PCDHA12: variants seen among roughly 807,000 people sequenced by gnomAD.
The protein encoded by PCDHA12 is protocadherin alpha-12.
PCDHA12 carries 44 observed loss-of-function variants against 60.0 expected under a neutral mutation model. The ratio of observed to expected loss-of-function variants is 0.73; its 90% CI spans 0.58 to 0.94. The LOEUF is 0.94. Ranked by LOEUF, PCDHA12 falls within the 40% of genes least tolerant of loss-of-function variation. The pLI, the probability that PCDHA12 is intolerant of heterozygous loss-of-function variation, is 0.00. For missense variants in PCDHA12, 1,276 were observed against 1,239.7 expected (o/e 1.03, Z -0.44); for synonymous variants, 569 against 553.0 (o/e 1.03, Z -0.40).
chr5:141,001,370 T>G (rs1187805238), intron 3 of PCDHA12, among the ~76,000 whole-genome samples: 1 of 152,218 alleles, frequency 6.6e-6, no homozygotes, highest in African/African-American at 2.4e-5. Context: ...ACTATTCTGA[T>G]TACAGAGCCT....
At chr5:140,888,173 T>A (rs1231331780) in intron 1 of PCDHA12, among the ~76,000 whole-genome samples, 1 of 152,224 alleles carries the variant, frequency 6.6e-6, no homozygotes, top group African/African-American at 2.4e-5. Context: ...AATAAGATGC[T>A]AGACATTGTG....
At chr5:140,946,752 A>C (rs1470208958) in intron 1 of PCDHA12, among the ~76,000 whole-genome samples, 1 of 151,470 alleles carries the variant, frequency 6.6e-6, no homozygotes, top group East Asian at 1.9e-4. Context: ...CAAATACTGC[A>C]TGATCTCATT....
intron 1 of PCDHA12, among the ~76,000 whole-genome samples, chr5:140,899,726 T>A (rs1406076879): frequency 6.6e-6 from 1 of 152,236 alleles, no homozygotes; most frequent in East Asian, 1.9e-4. Flanking sequence ...CCTCTTTTTC[T>A]ATTGATTGGA....
intron 3 of PCDHA12, among the ~76,000 whole-genome samples, chr5:141,000,102 C>T (rs537991787): frequency 8.5e-5 from 13 of 152,172 alleles, no homozygotes; most frequent in East Asian, 5.8e-4. Context: ...AGCTCAACTC[C>T]GTCTCTTCCC....
intron 3 of PCDHA12, among the ~76,000 whole-genome samples, chr5:140,985,957 T>A (rs2097180705): frequency 6.6e-6 from 1 of 152,084 alleles, no homozygotes. Context: ...GCCAGGATGG[T>A]CTCAATCTCC....
chr5:140,985,841 G>A (rs2097174040), intron 3 of PCDHA12, among the ~76,000 whole-genome samples: 1 of 145,238 alleles, frequency 6.9e-6, no homozygotes, highest in Admixed American at 7.3e-5. Context: ...CCGGGTTCAT[G>A]CCACTCTCCT....
intron 1 of PCDHA12, among the ~76,000 whole-genome samples, chr5:140,942,598 A>C: frequency 7.1e-6 from 1 of 140,144 alleles, no homozygotes; most frequent in East Asian, 2.1e-4. Flanking sequence ...ATATAATTAT[A>C]GTGTTTATAT....
Position 140,935,377 on chromosome 5 carries a change from C to T in PCDHA12, c.2368-43572C>T, listed in dbSNP as rs139207351. On this transcript the variant is annotated intron_variant, in intron 1 of 3. Coordinates refer to ENST00000398631, the MANE Select transcript of PCDHA12 (RefSeq NM_018903.4). ...GTTTTCATTAACGTCAACAGAATTA[C>T]TCATTTGTTATCCCACGGGACTCAA... is the stretch of plus-strand genomic sequence containing the variant. Among the ~76,000 whole-genome samples the T allele has an allele frequency of 1.3e-4, 20 of 152,332 alleles. No individual in the cohort carries two copies. In the East Asian group the frequency reaches 3.1e-3, roughly 23 times the overall value.
chr5:140,944,697 T>C (rs1227405627), intron 1 of PCDHA12, among the ~76,000 whole-genome samples: 1 of 152,198 alleles, frequency 6.6e-6, no homozygotes, highest in Non-Finnish European at 1.5e-5. Context: ...ATAACAGTAA[T>C]TATCAGGTTA....
chr5:140,990,342 C>A (rs2097389388), intron 3 of PCDHA12, among the ~76,000 whole-genome samples: 1 of 152,124 alleles, frequency 6.6e-6, no homozygotes, highest in Non-Finnish European at 1.5e-5. Flanking sequence ...TAAGTAAAGC[C>A]TGCCCTGTAC....
At chr5:140,912,694 G>A (rs1328426442) in intron 1 of PCDHA12, among the ~76,000 whole-genome samples, 1 of 152,090 alleles carries the variant, frequency 6.6e-6, no homozygotes, top group Non-Finnish European at 1.5e-5. Flanking sequence ...GGTCTCAGGG[G>A]GAATGCTTTC....
Position 140,982,534 on chromosome 5 carries a change from A to G in PCDHA12, c.2486A>G (p.Gln829Arg), listed in dbSNP as rs1554244431. Residue 829 changes from glutamine (Q) to arginine (R), a missense_variant, in exon 3 of 4, where the codon CAG becomes CGG. By Grantham distance (43) the Gln-to-Arg change is conservative. Transcript: ENST00000398631. ...GCTGGTCCAGGAGGGCCTGATCAGC[A>G]GTGGCCAACAGTATCCAGTGCAACA... ...LRAGPGGPDQ[Q>R]WPTVSSATPE... 1 of 1,614,222 alleles carries G rather than the reference A, an allele frequency of 6.2e-7. No homozygotes were observed. Among genetic ancestry groups the G allele is most frequent in the Non-Finnish European group, 8.5e-7 (1 of 1,180,036 alleles).
intron 1 of PCDHA12, among the ~76,000 whole-genome samples, chr5:140,939,732 G>C (rs2092446551): frequency 6.6e-6 from 1 of 152,168 alleles, no homozygotes; most frequent in African/African-American, 2.4e-5. Context: ...GTTGTGTGTA[G>C]CTGTGTATCA....
At position 140,977,800 on chromosome 5, in the gene PCDHA12, T is replaced by G. The variant is rs572772764; in HGVS notation, c.2368-1149T>G. On this transcript the variant is annotated intron_variant, in intron 1 of 3. Coordinates refer to ENST00000398631, the MANE Select transcript of PCDHA12 (RefSeq NM_018903.4). Reference sequence around the variant, plus strand: ...AAAGGAACTATATGAATGATAGGAATAAGAATTATTGACAGTTTTGAATGG... The same window carrying G: ...AAAGGAACTATATGAATGATAGGAAGAAGAATTATTGACAGTTTTGAATGG... Among the ~76,000 whole-genome samples, 3 of 152,356 alleles carry G rather than the reference T, an allele frequency of 2.0e-5. No individual in the cohort carries two copies. In the East Asian group the frequency reaches 5.8e-4, roughly 29 times the overall value.
In PCDHA12 at chr5:140,877,236, C is replaced by T; in HGVS notation, c.1764C>T (p.Gly588=). Residue 588 remains glycine, a synonymous_variant, in exon 1 of 4, where the codon GGC becomes GGT. Coordinates refer to ENST00000398631, the MANE Select transcript of PCDHA12 (RefSeq NM_018903.4). Reference sequence around the variant, plus strand: ...TGGTACCGCGGTCGGTGGGTGCGGGCCACGTGGTGGCGAAAGTGCGCGCGG... The same window carrying T: ...TGGTACCGCGGTCGGTGGGTGCGGGTCACGTGGTGGCGAAAGTGCGCGCGG... The part of the protein sequence containing the change: ...SELVPRSVGA[G]HVVAKVRAVD... The T allele has an allele frequency of 5.0e-6, 8 of 1,613,686 alleles. No homozygotes were observed. Among genetic ancestry groups the T allele is most frequent in the Non-Finnish European group, 6.8e-6 (8 of 1,179,744 alleles).
intron 1 of PCDHA12, among the ~76,000 whole-genome samples, chr5:140,934,446 A>G (rs527371307): frequency 2.0e-5 from 3 of 152,188 alleles, no homozygotes; most frequent in Non-Finnish European, 4.4e-5. Context: ...ATAGTGAAAA[A>G]TGCAAATAAT....
chr5:140,917,223 C>G (rs1351907671), intron 1 of PCDHA12, among the ~76,000 whole-genome samples: 3 of 150,934 alleles, frequency 2.0e-5, no homozygotes, highest in African/African-American at 7.3e-5. Context: ...TTTAGTGATA[C>G]GTTGTTAAAT....
At chr5:140,898,899 C>A (rs1457821018) in intron 1 of PCDHA12, among the ~76,000 whole-genome samples, 2 of 152,072 alleles carry the variant, frequency 1.3e-5, no homozygotes, top group Non-Finnish European at 2.9e-5. Context: ...TTGAAGAGGT[C>A]CTTCACGTCC....
intron 3 of PCDHA12, among the ~76,000 whole-genome samples, chr5:140,987,901 T>C (rs1554249667): frequency 6.6e-6 from 1 of 152,180 alleles, no homozygotes. Context: ...TAGTTTTATA[T>C]GGGGATTTAT....
Sources: allele counts gnomAD v4.1 joint callset (sites outside exome capture counted in the v4.1 genomes callset), GRCh38; gene constraint gnomAD v4.1.1; transcripts MANE v1.5; gene names NCBI Gene and HGNC (gene_info 2026-07-23, HGNC 2026-07-21).